CAB39L: variants seen among roughly 807,000 people sequenced by gnomAD.
The protein encoded by CAB39L is calcium binding protein 39 like.
A neutral mutation model predicts 39.1 loss-of-function variants in CAB39L; 23 were observed. That is an observed-to-expected ratio of 0.59 (90% CI 0.42 to 0.83). The LOEUF (loss-of-function observed/expected upper bound fraction) is 0.83. Among genes scored for constraint, CAB39L ranks in the 40% least tolerant of loss-of-function variants. The pLI, the probability that CAB39L is intolerant of heterozygous loss-of-function variation, is 0.00. For missense variants in CAB39L, 366 were observed against 391.9 expected (o/e 0.93, Z 0.56); for synonymous variants, 126 against 137.2 (o/e 0.92, Z 0.57).
intron 3 of CAB39L, among the ~76,000 whole-genome samples, chr13:49,433,046 T>C (rs959693821): frequency 1.1e-4 from 16 of 152,160 alleles, no homozygotes; most frequent in African/African-American, 3.4e-4. Context: ...CCCAGAAAGT[T>C]TCCCTTATTT....
chr13:49,432,671 T>C (rs1957345757), intron 3 of CAB39L, among the ~76,000 whole-genome samples: 1 of 152,208 alleles, frequency 6.6e-6, no homozygotes. Context: ...TTTATTGTTC[T>C]TACAAGGTAC....
rs1454623800 is a variant in CAB39L, at chr13:49,432,075, T to TGGTC, written c.-32+1239_-32+1242dup. Among the ~76,000 whole-genome samples the TGGTC allele has an allele frequency of 5.3e-5, 8 of 152,330 alleles. No homozygotes were observed. In the South Asian group the frequency reaches 1.7e-3, roughly 32 times the overall value. ...TTGCCAATTCTTTTTTTAATGTACC[T>TGGTC]GGTCACTTTATAGCCCCTTACTCTT... On this transcript the variant is annotated intron_variant, in intron 3 of 10. Transcript: ENST00000409308.
chr13:49,406,065 T>A (rs908813294), intron 3 of CAB39L, among the ~76,000 whole-genome samples: 3 of 151,860 alleles, frequency 2.0e-5, no homozygotes, highest in African/African-American at 7.3e-5. Context: ...TATAGTTTAA[T>A]ACAATGAATA....
At chr13:49,317,423 G>A (rs1954190903) in intron 10 of CAB39L, among the ~76,000 whole-genome samples, 3 of 152,194 alleles carry the variant, frequency 2.0e-5, no homozygotes, top group Admixed American at 1.3e-4. Flanking sequence ...CCAGCTACTC[G>A]GGAAGCTGAG....
chr13:49,388,079 G>A (rs180714992), intron 3 of CAB39L, among the ~76,000 whole-genome samples: 13 of 152,164 alleles, frequency 8.5e-5, no homozygotes, highest in African/African-American at 2.9e-4. Flanking sequence ...AGAAAAGGTC[G>A]AAAAAACTAA....
At position 49,400,443 on chromosome 13, in the gene CAB39L, A is replaced by C. The variant is rs978365518; in HGVS notation, c.-31-17502T>G. On this transcript the variant is annotated intron_variant, in intron 3 of 10. Transcript: ENST00000409308. ...TTGCTCTATTGCTTATACAAACACAAACACACACACACACACACACACACA... is the reference window on the plus strand; with the variant it reads ...TTGCTCTATTGCTTATACAAACACACACACACACACACACACACACACACA... 9.4e-5 allele frequency among the ~76,000 whole-genome samples: 13 copies of C among 138,620 alleles called. No individual in the cohort carries two copies. The East Asian group carries it at 2.1e-3, about 22-fold the overall frequency. The allele number at this position is 138,620 out of a possible 152,430, so 90.9% of individuals were successfully genotyped here.
At chr13:49,434,496 C>G (rs1341621342) in intron 1 of CAB39L, among the ~76,000 whole-genome samples, 1 of 152,116 alleles carries the variant, frequency 6.6e-6, no homozygotes, top group Non-Finnish European at 1.5e-5. Context: ...TTTACTCAGT[C>G]AAACGAATTT....
chr13:49,315,106 T>C (rs765621267), intron 10 of CAB39L, among the ~76,000 whole-genome samples: 15 of 152,230 alleles, frequency 9.9e-5, no homozygotes, highest in Non-Finnish European at 2.1e-4. Flanking sequence ...CCAATTTAGT[T>C]CTGAAATTGT....
At chr13:49,383,715 A>G (rs748967163) in intron 3 of CAB39L, among the ~76,000 whole-genome samples, 2 of 152,354 alleles carry the variant, frequency 1.3e-5, no homozygotes, top group South Asian at 2.1e-4. Flanking sequence ...CAATAGTATT[A>G]TATCTAAACT....
At chr13:49,411,994 C>G (rs1176251208) in intron 3 of CAB39L, among the ~76,000 whole-genome samples, 2 of 152,168 alleles carry the variant, frequency 1.3e-5, no homozygotes, top group Admixed American at 1.3e-4. Context: ...TGCCACTGGA[C>G]TCTCTTCCCT....
intron 5 of CAB39L, among the ~76,000 whole-genome samples, chr13:49,362,026 T>C (rs187361975): frequency 2.0e-5 from 3 of 152,050 alleles, no homozygotes; most frequent in East Asian, 1.9e-4. Context: ...TTTTCTGGCA[T>C]GCATACAACC....
intron 3 of CAB39L, among the ~76,000 whole-genome samples, chr13:49,421,899 T>C (rs1006843232): frequency 1.3e-5 from 2 of 152,072 alleles, no homozygotes; most frequent in African/African-American, 2.4e-5. Flanking sequence ...CAGAGTCTTA[T>C]AACATAATAC....
intron 3 of CAB39L, among the ~76,000 whole-genome samples, chr13:49,390,932 T>C (rs1375021219): frequency 6.6e-6 from 1 of 152,074 alleles, no homozygotes; most frequent in East Asian, 1.9e-4. Flanking sequence ...AGATAACTGA[T>C]GAGAGAGTAA....
intron 4 of CAB39L, among the ~76,000 whole-genome samples, chr13:49,378,533 A>G (rs1956158078): frequency 2.0e-5 from 1 of 49,560 alleles, no homozygotes. Context: ...TCCGGGAGGG[A>G]GATGGGGGGG....
chr13:49,324,956 G>A (rs1954455026), intron 10 of CAB39L, among the ~76,000 whole-genome samples: 2 of 152,102 alleles, frequency 1.3e-5, no homozygotes, highest in Admixed American at 1.3e-4. Context: ...TTAAGTATAG[G>A]CTGCATTTTC....
At chr13:49,433,464 C>G (rs1957358731) in intron 2 of CAB39L, 71 bp from the exon 3 acceptor site, 1 of 417,816 alleles carries the variant, frequency 2.4e-6, no homozygotes, top group South Asian at 1.7e-5. Flanking sequence ...TTTCTTATTG[C>G]TTTCAGGTAT....
intron 10 of CAB39L, 74 bp downstream of exon 10, chr13:49,331,873 G>A (rs1328112906): frequency 2.2e-6 from 3 of 1,368,136 alleles, no homozygotes; most frequent in African/African-American, 2.9e-5. Context: ...GGAGAGTAAA[G>A]AGCAGGGAGT....
intron 1 of CAB39L, among the ~76,000 whole-genome samples, chr13:49,437,881 C>G (rs147885558): frequency 6.6e-6 from 1 of 152,112 alleles, no homozygotes; most frequent in Non-Finnish European, 1.5e-5. Context: ...AGTGCAGTGG[C>G]GCAATCACAG....
Position 49,310,309 on chromosome 13 carries a change from A to T in CAB39L, c.*505T>A, listed in dbSNP as rs1227478319. ...GATCCTGGGAGGTGTGGATGCACTGATTACAGTCCAAAGACATTGGCAGCA... is the reference window on the plus strand; with the variant it reads ...GATCCTGGGAGGTGTGGATGCACTGTTTACAGTCCAAAGACATTGGCAGCA... On this transcript the variant is annotated 3_prime_UTR_variant, in exon 11 of 11. Transcript: ENST00000409308. The T allele has an allele frequency of 6.5e-6, 1 of 153,976 alleles. No homozygotes were observed. The highest frequency in any genetic ancestry group is 6.4e-5 in the Admixed American group (1 of 15,544). 9.5% of individuals were successfully genotyped at this position (153,976 alleles called of 1,614,324 possible). A position where few individuals can be genotyped will look rare whatever the true frequency, so the allele number is the denominator to read the frequency against.
Sources: allele counts gnomAD v4.1 joint callset (sites outside exome capture counted in the v4.1 genomes callset), GRCh38; gene constraint gnomAD v4.1.1; transcripts MANE v1.5; gene names NCBI Gene and HGNC (gene_info 2026-07-23, HGNC 2026-07-21).